SBF2: variants seen among roughly 807,000 people sequenced by gnomAD.
The protein encoded by SBF2 is SET binding factor 2, also known as myotubularin-related protein 13.
SBF2 carries 112 observed loss-of-function variants against 225.2 expected under a neutral mutation model. The observed-to-expected ratio is 0.50, with a 90% CI of 0.43 to 0.58. The LOEUF (loss-of-function observed/expected upper bound fraction) is 0.58. SBF2 is among the 20% of genes least tolerant of loss of function. SBF2 has a pLI of 0.00. For synonymous variants in SBF2, 763 were observed against 773.3 expected, an observed-to-expected ratio of 0.99 and a Z score of 0.22; for missense variants, 1,996 against 2,206.2, an observed-to-expected ratio of 0.90 and a Z score of 1.91.
chr11:9,925,632 A>G (rs1863975694), intron 16 of SBF2, among the ~76,000 whole-genome samples: 1 of 152,196 alleles, frequency 6.6e-6, no homozygotes, highest in South Asian at 2.1e-4. Flanking sequence ...GCCAATGTAT[A>G]TGTCACACTA....
chr11:10,212,886 T>TA (rs1415868244), intron 1 of SBF2, among the ~76,000 whole-genome samples: 1 of 152,074 alleles, frequency 6.6e-6, no homozygotes, highest in Non-Finnish European at 1.5e-5. Context: ...CCGTCTCTAC[T>TA]AAAAATACAA....
chr11:9,882,545 ATGT>A (rs1220841382), intron 17 of SBF2, among the ~76,000 whole-genome samples: 5 of 152,156 alleles, frequency 3.3e-5, no homozygotes, highest in Admixed American at 6.5e-5. Flanking sequence ...ATGGTGGCTC[ATGT>A]CTGTAATCCC....
intron 2 of SBF2, among the ~76,000 whole-genome samples, chr11:10,103,549 A>G (rs1034853337): frequency 6.6e-6 from 1 of 152,296 alleles, no homozygotes; most frequent in Non-Finnish European, 1.5e-5. Flanking sequence ...TTTTGTCTTT[A>G]CCTGTGGCTA....
chr11:10,062,829 C>T (rs1950496278), intron 2 of SBF2, among the ~76,000 whole-genome samples: 1 of 152,120 alleles, frequency 6.6e-6, no homozygotes, highest in Non-Finnish European at 1.5e-5. Context: ...TCAGCAATCT[C>T]GTTACTGAGT....
At chr11:9,841,532 T>A (rs1198968037) in intron 25 of SBF2, among the ~76,000 whole-genome samples, 1 of 58,458 alleles carries the variant, frequency 1.7e-5, no homozygotes, top group Non-Finnish European at 4.5e-5. Context: ...ACCACATAGG[T>A]TCTTTTTTTT....
intron 2 of SBF2, among the ~76,000 whole-genome samples, chr11:10,061,596 C>A (rs145252569): frequency 6.6e-6 from 1 of 152,144 alleles, no homozygotes; most frequent in African/African-American, 2.4e-5. Flanking sequence ...ACAATTCCCA[C>A]ACATAAAATA....
chr11:10,203,147 G>A (rs1320240030), intron 1 of SBF2, among the ~76,000 whole-genome samples: 1 of 152,012 alleles, frequency 6.6e-6, no homozygotes, highest in Non-Finnish European at 1.5e-5. Context: ...GGGAATCTAG[G>A]GAACCCAAAG....
intron 16 of SBF2, among the ~76,000 whole-genome samples, chr11:9,918,490 A>G (rs1361104936): frequency 6.6e-6 from 1 of 151,928 alleles, no homozygotes; most frequent in African/African-American, 2.4e-5. Flanking sequence ...AGTAGCTGGA[A>G]CTACAGGTGC....
chr11:9,857,150 A>T (rs1857386674), intron 18 of SBF2, among the ~76,000 whole-genome samples: 1 of 152,242 alleles, frequency 6.6e-6, no homozygotes, highest in South Asian at 2.1e-4. Flanking sequence ...GAAAACATAA[A>T]CATAACATAA....
chr11:9,923,750 T>C (rs540199998), intron 16 of SBF2, among the ~76,000 whole-genome samples: 59 of 152,248 alleles, frequency 3.9e-4, no homozygotes, highest in African/African-American at 4.8e-5. Flanking sequence ...CTGTACCTAA[T>C]TGATTTTCTT....
At chr11:9,942,102 C>T (rs967952874) in intron 16 of SBF2, among the ~76,000 whole-genome samples, 2 of 152,284 alleles carry the variant, frequency 1.3e-5, no homozygotes, top group Non-Finnish European at 1.5e-5. Context: ...GGCAGGGTCT[C>T]GTACTGTCAC....
rs7128234 is a variant in SBF2, at chr11:10,001,038, A to T, written c.753-16T>A. On this transcript the variant is annotated splice_polypyrimidine_tract_variant and intron_variant, in intron 7 of 39. Transcript: ENST00000256190. ...ATAAGGATAACTGGAAATAATAAAA[A>T]TATGCGTCAAATATATTTTTCTTTA... 248,538 of 1,312,478 alleles carry T rather than the reference A, an allele frequency of 0.19. 24,090 individuals carry two copies. Among genetic ancestry groups the T allele is most frequent in the East Asian group, 0.29 (12,353 of 43,170 alleles). 81.3% of individuals were successfully genotyped at this position (1,312,478 alleles called of 1,614,324 possible). A position where few individuals can be genotyped will look rare whatever the true frequency, so the allele number is the denominator to read the frequency against.
intron 1 of SBF2, among the ~76,000 whole-genome samples, chr11:10,195,811 G>C (rs907343365): frequency 5.3e-5 from 8 of 152,186 alleles, no homozygotes; most frequent in African/African-American, 1.9e-4. Context: ...AATAATTGCT[G>C]CAGTACAGTA....
chr11:10,290,631 T>C (rs1964103336), intron 1 of SBF2, among the ~76,000 whole-genome samples: 1 of 151,940 alleles, frequency 6.6e-6, no homozygotes, highest in African/African-American at 2.4e-5. Context: ...AATAAGTAAA[T>C]ACATTCAGGA....
At chr11:9,828,915 G>A (rs1855219534) in intron 28 of SBF2, among the ~76,000 whole-genome samples, 1 of 147,834 alleles carries the variant, frequency 6.8e-6, no homozygotes, top group South Asian at 2.1e-4. Context: ...ACTGAGCTGG[G>A]TATGATAAAT....
At chr11:10,244,774 C>A (rs773888692) in intron 1 of SBF2, among the ~76,000 whole-genome samples, 3 of 152,078 alleles carry the variant, frequency 2.0e-5, no homozygotes. Context: ...AACTATACAA[C>A]TGATAAAAGA....
chr11:10,275,572 A>G (rs1962889039), intron 1 of SBF2, among the ~76,000 whole-genome samples: 1 of 152,030 alleles, frequency 6.6e-6, no homozygotes, highest in African/African-American at 2.4e-5. Context: ...TTTTACTTAC[A>G]TGACTTTTCA....
chr11:10,079,546 T>G (rs1242495342), intron 2 of SBF2, among the ~76,000 whole-genome samples: 1 of 152,034 alleles, frequency 6.6e-6, no homozygotes, highest in Non-Finnish European at 1.5e-5. Flanking sequence ...TAGACAAAAG[T>G]TTTTTAAAAA....
chr11:9,919,974 C>T (rs566912622), intron 16 of SBF2, among the ~76,000 whole-genome samples: 15 of 152,108 alleles, frequency 9.9e-5, no homozygotes, highest in South Asian at 2.1e-4. Flanking sequence ...TCAGGTGATC[C>T]GCCTGCCTGG....
Sources: allele counts gnomAD v4.1 joint callset (sites outside exome capture counted in the v4.1 genomes callset), GRCh38; gene constraint gnomAD v4.1.1; transcripts MANE v1.5; gene names NCBI Gene and HGNC (gene_info 2026-07-23, HGNC 2026-07-21).